Variants in NALF1 observed in about 807,000 individuals in gnomAD.
NALF1 encodes NALCN channel auxiliary factor 1.
Under a neutral mutation model 48.4 loss-of-function variants are expected in NALF1, and 3 were observed. That is an observed-to-expected ratio of 0.06 (90% CI 0.03 to 0.16). The LOEUF is 0.16. Ranked by LOEUF, NALF1 falls within the 10% of genes least tolerant of loss-of-function variation. NALF1 has a pLI of 1.00. For missense variants in NALF1, 526 were observed against 571.5 expected (o/e 0.92, Z 0.81); for synonymous variants, 262 against 245.7 (o/e 1.07, Z -0.62).
chr13:107,343,399 C>A (rs185181474), intron 1 of NALF1, among the ~76,000 whole-genome samples: 1 of 152,088 alleles, frequency 6.6e-6, no homozygotes, highest in African/African-American at 2.4e-5. Context: ...TCATGGGGGG[C>A]AGGTCTTTCC....
chr13:107,324,040 T>A (rs947619737), intron 1 of NALF1, among the ~76,000 whole-genome samples: 7 of 152,156 alleles, frequency 4.6e-5, no homozygotes, highest in Non-Finnish European at 1.0e-4. Flanking sequence ...GTCCAAGAAT[T>A]CGAGGTTACA....
rs1001145525 is a variant in NALF1, at chr13:107,740,470, C to T, written c.915+125212G>A. On this transcript the variant is annotated intron_variant, in intron 1 of 2. Transcript: ENST00000375915. The stretch of plus-strand genomic sequence containing the variant: ...CTTTGGGGGATTTAGTATGGAAATA[C>T]TTAAAATCAACTAAATATAATTTAC... Among the ~76,000 whole-genome samples the T allele has an allele frequency of 2.0e-5, 3 of 152,202 alleles. 1 individual carries two copies. Among genetic ancestry groups the T allele is most frequent in the South Asian group, 4.2e-4 (2 of 4,816 alleles).
intron 1 of NALF1, among the ~76,000 whole-genome samples, chr13:107,330,297 A>T (rs1450718038): frequency 6.6e-6 from 1 of 152,236 alleles, no homozygotes; most frequent in African/African-American, 2.4e-5. Context: ...ATGTCCAAAG[A>T]GAAAAGATGC....
intron 1 of NALF1, among the ~76,000 whole-genome samples, chr13:107,582,111 T>C (rs553709193): frequency 2.0e-5 from 3 of 147,802 alleles, no homozygotes; most frequent in South Asian, 2.1e-4. Flanking sequence ...ACACTATATA[T>C]AAAATTTCAA....
chr13:107,217,029 C>T (rs780960037), intron 1 of NALF1, among the ~76,000 whole-genome samples: 3 of 152,174 alleles, frequency 2.0e-5, no homozygotes, highest in Non-Finnish European at 2.9e-5. Context: ...AAAACGTGTC[C>T]TAACTATGAC....
chr13:107,603,501 A>G (rs1268946815), intron 1 of NALF1, among the ~76,000 whole-genome samples: 1 of 152,210 alleles, frequency 6.6e-6, no homozygotes, highest in Admixed American at 6.5e-5. Context: ...TTAGTGATAC[A>G]GGCTTATTTT....
intron 1 of NALF1, among the ~76,000 whole-genome samples, chr13:107,832,789 C>A (rs1338126573): frequency 2.0e-5 from 3 of 152,144 alleles, no homozygotes; most frequent in Non-Finnish European, 4.4e-5. Flanking sequence ...TCCTAAGTGA[C>A]CTTCCTTCCT....
chr13:107,224,600 T>C (rs1880064190), intron 1 of NALF1, among the ~76,000 whole-genome samples: 1 of 152,128 alleles, frequency 6.6e-6, no homozygotes, highest in Non-Finnish European at 1.5e-5. Flanking sequence ...AACCATTTAC[T>C]TTCCTAGCAT....
intron 1 of NALF1, among the ~76,000 whole-genome samples, chr13:107,424,278 T>C (rs984624284): frequency 1.6e-4 from 24 of 152,086 alleles, no homozygotes; most frequent in African/African-American, 5.8e-4. Flanking sequence ...GCTGGGACTA[T>C]AGGTGCACAC....
chr13:107,348,084 T>G (rs2138941917), intron 1 of NALF1, among the ~76,000 whole-genome samples: 1 of 152,362 alleles, frequency 6.6e-6, no homozygotes, highest in South Asian at 2.1e-4. Flanking sequence ...TTAGTTGTCC[T>G]TAGTTATCTA....
At chr13:107,644,642 C>CATATAT (rs371201609) in intron 1 of NALF1, among the ~76,000 whole-genome samples, 11,348 of 91,754 alleles carry the variant, frequency 0.12, 1,175 homozygotes, top group East Asian at 0.41. Context: ...TACATACATA[C>CATATAT]ATACATATAT....
At chr13:107,291,217 T>C (rs2138882728) in intron 1 of NALF1, among the ~76,000 whole-genome samples, 1 of 152,122 alleles carries the variant, frequency 6.6e-6, no homozygotes, top group Non-Finnish European at 1.5e-5. Context: ...TCCCATTAAC[T>C]ATATTGATAT....
intron 1 of NALF1, among the ~76,000 whole-genome samples, chr13:107,821,137 T>G (rs1879348653): frequency 6.6e-6 from 1 of 150,920 alleles, no homozygotes; most frequent in African/African-American, 2.4e-5. Flanking sequence ...TAAGTATTAT[T>G]TTTTACTTGT....
intron 2 of NALF1, among the ~76,000 whole-genome samples, chr13:107,180,614 A>C (rs1476052660): frequency 6.6e-6 from 1 of 151,892 alleles, no homozygotes; most frequent in Non-Finnish European, 1.5e-5. Context: ...CTTTTTTATT[A>C]ATGTGAAGAT....
intron 1 of NALF1, among the ~76,000 whole-genome samples, chr13:107,318,367 C>T (rs1882190312): frequency 6.6e-6 from 1 of 152,048 alleles, no homozygotes; most frequent in Admixed American, 6.6e-5. Flanking sequence ...TAACATGGCT[C>T]TTTAAGTTAC....
At chr13:107,335,933 T>C (rs1248701626) in intron 1 of NALF1, among the ~76,000 whole-genome samples, 2 of 152,224 alleles carry the variant, frequency 1.3e-5, no homozygotes, top group Admixed American at 6.5e-5. Context: ...ATTAATTTTT[T>C]TTTTCAGTTT....
At chr13:107,626,420 C>A (rs925740752) in intron 1 of NALF1, among the ~76,000 whole-genome samples, 3 of 151,918 alleles carry the variant, frequency 2.0e-5, no homozygotes, top group Admixed American at 6.6e-5. Flanking sequence ...TGGGTATATA[C>A]CCAAAAGAAG....
At chr13:107,284,109 C>CTAA (rs1191357124) in intron 1 of NALF1, among the ~76,000 whole-genome samples, 2 of 152,038 alleles carry the variant, frequency 1.3e-5, no homozygotes, top group African/African-American at 4.8e-5. Flanking sequence ...CGATCACAGC[C>CTAA]TAATGTCTGG....
At chr13:107,219,560 G>A (rs1047533563) in intron 1 of NALF1, among the ~76,000 whole-genome samples, 1 of 152,194 alleles carries the variant, frequency 6.6e-6, no homozygotes, top group African/African-American at 2.4e-5. Context: ...TAGGAGAAGA[G>A]AGAATGTGTT....
Sources: allele counts gnomAD v4.1 joint callset (sites outside exome capture counted in the v4.1 genomes callset), GRCh38; gene constraint gnomAD v4.1.1; transcripts MANE v1.5; gene names NCBI Gene and HGNC (gene_info 2026-07-23, HGNC 2026-07-21).